TMEM273: variants seen among roughly 807,000 people sequenced by gnomAD.
TMEM273 encodes transmembrane protein 273.
TMEM273 carries 19 observed loss-of-function variants against 17.9 expected under a neutral mutation model. The ratio of observed to expected loss-of-function variants is 1.06; its 90% confidence interval spans 0.74 to 1.55. The LOEUF is 1.55. Among genes scored for constraint, TMEM273 ranks in the 40% most tolerant of loss-of-function variants. The pLI, the probability that TMEM273 is intolerant of heterozygous loss-of-function variation, is 0.00. For synonymous variants in TMEM273, 66 were observed against 62.0 expected (o/e 1.07, Z -0.31); for missense variants, 194 against 155.6 (o/e 1.25, Z -1.31).
rs958897483 is a variant in TMEM273, at chr10:49,156,033, G to A, written c.373-124C>T. 3.8e-6 allele frequency: 6 copies of A among 1,579,968 alleles called. No individual in the cohort carries two copies. The African/African-American group carries it at 8.1e-5, about 21-fold the overall frequency. Reference sequence around the variant, plus strand: ...AAAGCTCATCAGCAAAGCCTGCAAGGTGGGCCACTTCCTTGTGCAACATAG... The same window carrying A: ...AAAGCTCATCAGCAAAGCCTGCAAGATGGGCCACTTCCTTGTGCAACATAG... On this transcript the variant is annotated intron_variant, in intron 6 of 6. Coordinates refer to ENST00000374153, the MANE Select transcript of TMEM273 (RefSeq NM_001288740.3).
At chr10:49,161,522 C>A (rs1845839589) in intron 6 of TMEM273, 77 bp downstream of exon 6, 2 of 1,598,548 alleles carry the variant, frequency 1.3e-6, no homozygotes, top group East Asian at 2.2e-5. Context: ...AGAGGTCATG[C>A]CGAAAACCCA....
intron 1 of TMEM273, among the ~76,000 whole-genome samples, chr10:49,179,537 C>T (rs1473070815): frequency 6.6e-6 from 1 of 152,206 alleles, no homozygotes; most frequent in Admixed American, 6.5e-5. Context: ...ACTTACTTTT[C>T]TGGAAAGATG....
In TMEM273 at chr10:49,154,907, C is replaced by G. The variant is rs2132060536; in HGVS notation, c.*985G>C. ...AATCATGACAACACAGCACTTTGTT[C>G]TGAAATATAGCTCATCTTTCATCAC... On this transcript the variant is annotated 3_prime_UTR_variant, in exon 7 of 7. Coordinates refer to ENST00000374153, the MANE Select transcript of TMEM273 (RefSeq NM_001288740.3). 1 of 152,296 alleles carries G rather than the reference C, an allele frequency of 6.6e-6. No individual in the cohort carries two copies. The highest frequency in any genetic ancestry group is 2.4e-5 in the African/African-American group (1 of 41,568). The allele number at this position is 152,296 out of a possible 1,614,324, so 9.4% of individuals were successfully genotyped here.
Position 49,155,875 on chromosome 10 carries a change from C to A in TMEM273, c.*17G>T. 2 of 1,614,198 alleles carry A rather than the reference C, an allele frequency of 1.2e-6. No homozygotes were observed. The highest frequency in any genetic ancestry group is 1.7e-6 in the Non-Finnish European group (2 of 1,180,034). On this transcript the variant is annotated 3_prime_UTR_variant, in exon 7 of 7. Coordinates refer to ENST00000374153, the MANE Select transcript of TMEM273 (RefSeq NM_001288740.3). ...ACGGGGCTAGAACCCCTCTTCACGT[C>A]ACTGCTCACCTACAGCTCAATCACC... is the stretch of plus-strand genomic sequence containing the variant.
Position 49,166,548 on chromosome 10 carries a change from G to C in TMEM273, c.238+321C>G, listed in dbSNP as rs1846196522. 2.1e-5 allele frequency: 7 copies of C among 335,436 alleles called. No individual in the cohort carries two copies. The South Asian group carries it at 2.2e-4, about 11-fold the overall frequency. The allele number at this position is 335,436 out of a possible 1,614,324, so 20.8% of individuals were successfully genotyped here. Reference sequence around the variant, plus strand: ...TTAGTTCCTCTCCCACCTTTCTCCAGGAAATGTGATTCTCAGGACTGCCAA... The same window carrying C: ...TTAGTTCCTCTCCCACCTTTCTCCACGAAATGTGATTCTCAGGACTGCCAA... On this transcript the variant is annotated intron_variant, in intron 3 of 6. Coordinates refer to ENST00000374153, the MANE Select transcript of TMEM273 (RefSeq NM_001288740.3).
intron 5 of TMEM273, among the ~76,000 whole-genome samples, chr10:49,162,156 T>C (rs1023654341): frequency 6.6e-6 from 1 of 152,166 alleles, no homozygotes; most frequent in Admixed American, 6.5e-5. Flanking sequence ...TCTTAGATGA[T>C]CATGCATAAG....
At chr10:49,167,371 G>C (rs1476274913) in intron 2 of TMEM273, among the ~76,000 whole-genome samples, 1 of 152,242 alleles carries the variant, frequency 6.6e-6, no homozygotes, top group Non-Finnish European at 1.5e-5. Flanking sequence ...TGCCTGCTCT[G>C]TGGTGAACAC....
chr10:49,174,091 C>T (rs6537502), intron 1 of TMEM273, among the ~76,000 whole-genome samples: 3,407 of 152,298 alleles, frequency 0.022, 136 homozygotes, highest in East Asian at 0.18. Context: ...GGATGCAGGA[C>T]GCTGACATAT....
chr10:49,156,134 C>A, intron 6 of TMEM273: 1 of 1,533,846 alleles, frequency 6.5e-7, no homozygotes, highest in East Asian at 2.5e-5. Flanking sequence ...CTGCCAAACC[C>A]AAGGCAAACA....
intron 1 of TMEM273, among the ~76,000 whole-genome samples, chr10:49,180,045 T>C (rs954242481): frequency 6.6e-6 from 1 of 152,186 alleles, no homozygotes; most frequent in African/African-American, 2.4e-5. Context: ...GAGGGCTTCA[T>C]GCCCAATGAA....
chr10:49,157,068 C>T (rs541742489), intron 6 of TMEM273, among the ~76,000 whole-genome samples: 97 of 152,298 alleles, frequency 6.4e-4, no homozygotes, highest in African/African-American at 2.3e-3. Flanking sequence ...TAAAAGGCCC[C>T]TTCAGGTGTT....
chr10:49,176,052 C>T (rs1002671087), intron 1 of TMEM273, among the ~76,000 whole-genome samples: 1 of 152,188 alleles, frequency 6.6e-6, no homozygotes, highest in East Asian at 1.9e-4. Flanking sequence ...ATTCTGCCAC[C>T]CATTGTCAGC....
chr10:49,185,782 C>T (rs1271981966), intron 1 of TMEM273, among the ~76,000 whole-genome samples: 1 of 151,944 alleles, frequency 6.6e-6, no homozygotes, highest in African/African-American at 2.4e-5. Context: ...AGTTCAAGAC[C>T]AGCTTGGCCA....
chr10:49,175,328 T>C (rs1359528419), intron 1 of TMEM273, among the ~76,000 whole-genome samples: 1 of 152,140 alleles, frequency 6.6e-6, no homozygotes, highest in Non-Finnish European at 1.5e-5. Context: ...ACTCATATCT[T>C]GCCTGCTACA....
At position 49,165,292 on chromosome 10, in the gene TMEM273, G is replaced by C; in HGVS notation, c.270-9C>G. 6.4e-7 allele frequency: 1 copy of C among 1,550,566 alleles called. No homozygotes were observed. Among genetic ancestry groups the C allele is most frequent in the South Asian group, 1.2e-5 (1 of 84,058 alleles). ...TCGAGGCTTGCAGCTTTCTGGCAAAGAGCATTCCAATTACAGAAAACAGCA... is the reference window on the plus strand; with the variant it reads ...TCGAGGCTTGCAGCTTTCTGGCAAACAGCATTCCAATTACAGAAAACAGCA... On this transcript the variant is annotated splice_polypyrimidine_tract_variant and intron_variant, in intron 4 of 6. Transcript: ENST00000374153.
At chr10:49,158,117 T>C (rs1486980969) in intron 6 of TMEM273, among the ~76,000 whole-genome samples, 1 of 152,144 alleles carries the variant, frequency 6.6e-6, no homozygotes, top group Non-Finnish European at 1.5e-5. Flanking sequence ...GACAATCTTA[T>C]AAGAGTAAAA....
At chr10:49,158,572 A>G (rs1268332320) in intron 6 of TMEM273, among the ~76,000 whole-genome samples, 1 of 152,216 alleles carries the variant, frequency 6.6e-6, no homozygotes, top group Non-Finnish European at 1.5e-5. Flanking sequence ...GGAGGGAACC[A>G]GCCCCACCAG....
chr10:49,173,868 G>T (rs78422139), intron 1 of TMEM273, among the ~76,000 whole-genome samples: 1 of 152,168 alleles, frequency 6.6e-6, no homozygotes, highest in Non-Finnish European at 1.5e-5. Context: ...ACAAGGGGGG[G>T]CGATAGCGTT....
intron 5 of TMEM273, among the ~76,000 whole-genome samples, chr10:49,163,206 C>T (rs1448609426): frequency 6.6e-6 from 1 of 152,106 alleles, no homozygotes; most frequent in Non-Finnish European, 1.5e-5. Context: ...TTTGGGGGCA[C>T]TGGGAGCAGT....
Sources: allele counts gnomAD v4.1 joint callset (sites outside exome capture counted in the v4.1 genomes callset), GRCh38; gene constraint gnomAD v4.1.1; transcripts MANE v1.5; gene names NCBI Gene and HGNC (gene_info 2026-07-23, HGNC 2026-07-21).